PDE6C: variants seen among roughly 807,000 people sequenced by gnomAD.
PDE6C encodes phosphodiesterase 6C, also known as cone cGMP-specific 3',5'-cyclic phosphodiesterase subunit alpha'.
In PDE6C, 75 loss-of-function variants were observed where a neutral mutation model predicts 113.1. That is an observed-to-expected ratio of 0.66 (90% CI 0.55 to 0.80). PDE6C has a LOEUF of 0.80. PDE6C is among the 30% of genes least tolerant of loss of function. PDE6C has a pLI of 0.00. For synonymous variants in PDE6C, 375 were observed against 363.7 expected, an observed-to-expected ratio of 1.03 and a Z score of -0.35; for missense variants, 912 against 1,038.6, an observed-to-expected ratio of 0.88 and a Z score of 1.67.
At chr10:93,626,961 C>A (rs527836283) in intron 7 of PDE6C, 90 bp downstream of exon 7, 2 of 1,206,156 alleles carry the variant, frequency 1.7e-6, no homozygotes, top group African/African-American at 1.5e-5. Flanking sequence ...AGCAAGAATG[C>A]ATCCAATAAA....
In PDE6C at chr10:93,665,638, A is replaced by AATT; in HGVS notation, c.*221_*223dup. On this transcript the variant is annotated 3_prime_UTR_variant, in exon 22 of 22. Transcript: ENST00000371447. ...CAAAAATAGGTACATTTTTGGTGCCAATTTATTTTAAATTAAAAAATATGC... is the reference window on the plus strand; with the variant it reads ...CAAAAATAGGTACATTTTTGGTGCCAATTATTTATTTTAAATTAAAAAATATGC... 1 of 541,858 alleles carries AATT rather than the reference A, an allele frequency of 1.8e-6. No individual in the cohort carries two copies. The highest frequency in any genetic ancestry group is 3.2e-5 in the East Asian group (1 of 31,262). The allele number at this position is 541,858 out of a possible 1,614,324, so 33.6% of individuals were successfully genotyped here. A position where few individuals can be genotyped will look rare whatever the true frequency, so the allele number is the denominator to read the frequency against.
chr10:93,665,486 G>T lies in PDE6C; in HGVS notation c.*68G>T. On this transcript the variant is annotated 3_prime_UTR_variant, in exon 22 of 22. Coordinates refer to ENST00000371447, the MANE Select transcript of PDE6C (RefSeq NM_006204.4). The stretch of plus-strand genomic sequence containing the variant: ...GAAGAAAACCAGAAAACATTCAAAA[G>T]AACTTCAACAAATCATCACGTAACA... The T allele has an allele frequency of 9.6e-7, 1 of 1,041,476 alleles. No individual in the cohort carries two copies. The allele number at this position is 1,041,476 out of a possible 1,614,324, so 64.5% of individuals were successfully genotyped here.
At chr10:93,617,837 G>A (rs1022652251) in intron 1 of PDE6C, among the ~76,000 whole-genome samples, 5 of 152,148 alleles carry the variant, frequency 3.3e-5, no homozygotes, top group East Asian at 1.9e-4. Flanking sequence ...CTGGTATTTC[G>A]ATGATTCCTT....
intron 8 of PDE6C, among the ~76,000 whole-genome samples, chr10:93,631,710 C>T (rs764819921): frequency 1.3e-5 from 2 of 152,230 alleles, no homozygotes; most frequent in Admixed American, 6.5e-5. Context: ...CTGATTCTGT[C>T]TCTCCCTGCT....
At position 93,613,189 on chromosome 10, in the gene PDE6C, T is replaced by A. The variant is rs775924148; in HGVS notation, c.464T>A (p.Val155Asp). The A allele has an allele frequency of 6.2e-7, 1 of 1,613,680 alleles. No individual in the cohort carries two copies. Among genetic ancestry groups the A allele is most frequent in the South Asian group, 1.1e-5 (1 of 91,078 alleles). The change falls in exon 1 of 22, where the codon GTC becomes GAC. Residue 155 changes from valine to aspartate, a missense_variant. Val to Asp is a radical substitution (Grantham distance 152). Transcript: ENST00000371447. ...WAAHTKKTHN[V>D]PDVKKNSHFS... is the part of the protein sequence containing the mutation. ...GCTCACACGAAGAAAACTCATAATG[T>A]CCCAGATGTGAAAAAGGTAGGTGGC...
At chr10:93,636,180 A>G (rs553809058) in intron 10 of PDE6C, among the ~76,000 whole-genome samples, 40 of 152,230 alleles carry the variant, frequency 2.6e-4, no homozygotes, top group Non-Finnish European at 5.0e-4. Context: ...CTGTGCAGGC[A>G]TACTTCAGGT....
intron 14 of PDE6C, among the ~76,000 whole-genome samples, chr10:93,645,627 A>G (rs1352867834): frequency 6.6e-6 from 1 of 152,312 alleles, no homozygotes; most frequent in South Asian, 2.1e-4. Flanking sequence ...CAGATAACCT[A>G]TGGGCCTCCA....
intron 15 of PDE6C, among the ~76,000 whole-genome samples, chr10:93,654,770 C>CTTTCTT (rs1464176627): frequency 2.1e-4 from 10 of 46,948 alleles, no homozygotes. Context: ...TTCTTTCTTT[C>CTTTCTT]TTTCTTTCTT....
At chr10:93,620,502 G>A in intron 1 of PDE6C, 130 bp from the exon 2 acceptor site, 2 of 889,284 alleles carry the variant, frequency 2.2e-6, no homozygotes, top group Non-Finnish European at 3.7e-6. Context: ...GTTTACTGGG[G>A]ACCACTGTAC....
At chr10:93,615,153 A>G (rs945217140) in intron 1 of PDE6C, among the ~76,000 whole-genome samples, 2 of 152,134 alleles carry the variant, frequency 1.3e-5, no homozygotes, top group Non-Finnish European at 2.9e-5. Context: ...TAAGCCAGGC[A>G]TGGTGGTGTG....
chr10:93,621,905 T>C, intron 3 of PDE6C, 27 bp from the exon 4 acceptor site: 1 of 1,606,672 alleles, frequency 6.2e-7, no homozygotes, highest in Non-Finnish European at 8.5e-7. Flanking sequence ...TTATTCTAAC[T>C]GTTTTCTTTT....
intron 5 of PDE6C, among the ~76,000 whole-genome samples, chr10:93,625,934 T>C (rs923490378): frequency 2.6e-5 from 4 of 152,168 alleles, no homozygotes; most frequent in Non-Finnish European, 5.9e-5. Flanking sequence ...TGCACAACAT[T>C]TTAAAGAAGT....
At position 93,637,073 on chromosome 10, in the gene PDE6C, T is replaced by C; in HGVS notation, c.1482+10T>C. 1 of 1,505,664 alleles carries C rather than the reference T, an allele frequency of 6.6e-7. No individual in the cohort carries two copies. Among genetic ancestry groups the C allele is most frequent in the Non-Finnish European group, 9.2e-7 (1 of 1,081,802 alleles). The allele number at this position is 1,505,664 out of a possible 1,614,324, so 93.3% of individuals were successfully genotyped here. A position where few individuals can be genotyped will look rare whatever the true frequency, so the allele number is the denominator to read the frequency against. On this transcript the variant is annotated intron_variant, in intron 11 of 21. Coordinates refer to ENST00000371447, the MANE Select transcript of PDE6C (RefSeq NM_006204.4). ...ACTTGTTGCAATTTTGGTAAGTGTT[T>C]TCTTTCTAACCTTAATGCCTGTTAA...
At position 93,634,893 on chromosome 10, in the gene PDE6C, G is replaced by T; in HGVS notation, c.1255G>T (p.Glu419Ter). The change falls in exon 9 of 22, where the codon GAA (glutamate) becomes TAA (stop). Residue 419 changes from glutamate to a stop codon, truncating the protein, a stop_gained. Transcript: ENST00000371447. LOFTEE classifies it high-confidence loss of function. ...KDGKPFDEHD[E>*]YITETLTQFL... ...TGGAAAACCTTTCGATGAGCATGAT[G>T]AATACATTACCGAGGCAAGTGCAAT... The T allele has an allele frequency of 6.2e-7, 1 of 1,613,988 alleles. No homozygotes were observed. Among genetic ancestry groups the T allele is most frequent in the Non-Finnish European group, 8.5e-7 (1 of 1,179,972 alleles).
At chr10:93,616,652 CTT>C (rs11418985) in intron 1 of PDE6C, among the ~76,000 whole-genome samples, 3 of 118,472 alleles carry the variant, frequency 2.5e-5, no homozygotes, top group Admixed American at 9.1e-5. Flanking sequence ...GGCAGGAAGA[CTT>C]TTTTTTTTTT....
rs1391356141 is a variant in PDE6C, at chr10:93,661,938, C to T, written c.2209-121C>T. ...CCTCTTTTTAAAAGTTAAGAGCATA[C>T]GGTTTGATAGCACCTCAAACATTGA... On this transcript the variant is annotated intron_variant, in intron 18 of 21. Transcript: ENST00000371447. 2.0e-5 allele frequency: 15 copies of T among 743,342 alleles called. 1 individual carries two copies. The highest frequency in any genetic ancestry group is 2.3e-4 in the Middle Eastern group (1 of 4,382). 46.0% of individuals were successfully genotyped at this position (743,342 alleles called of 1,614,324 possible). A position where few individuals can be genotyped will look rare whatever the true frequency, so the allele number is the denominator to read the frequency against.
intron 15 of PDE6C, among the ~76,000 whole-genome samples, chr10:93,647,662 C>T (rs949289047): frequency 6.6e-6 from 1 of 152,042 alleles, no homozygotes; most frequent in African/African-American, 2.4e-5. Flanking sequence ...TTTAACAGGG[C>T]GGGGGCAGAC....
chr10:93,618,671 C>A (rs917076804), intron 1 of PDE6C, among the ~76,000 whole-genome samples: 18 of 152,328 alleles, frequency 1.2e-4, no homozygotes, highest in African/African-American at 4.3e-4. Flanking sequence ...CTAAGAATTA[C>A]CTGGGCCACG....
chr10:93,663,078 GAAT>G lies in PDE6C; in HGVS notation c.2421_2423del (p.Asn808del), dbSNP rs2133879659. On this transcript the variant is annotated inframe_deletion, in exon 21 of 22. Coordinates refer to ENST00000371447, the MANE Select transcript of PDE6C (RefSeq NM_006204.4). ...TCACACCTATGCTGAGTGGTCTTCA[GAAT>G]AACAGAGTAGAATGGAAATCACTAG... The G allele has an allele frequency of 1.2e-6, 2 of 1,613,242 alleles. No individual in the cohort carries two copies. Among genetic ancestry groups the G allele is most frequent in the East Asian group, 4.5e-5 (2 of 44,808 alleles).
Sources: gnomAD v4.1 joint callset for allele counts (sites outside exome capture counted in the v4.1 genomes callset) on GRCh38, gnomAD v4.1.1 for gene constraint, MANE v1.5 for transcripts, NCBI Gene and HGNC (gene_info 2026-07-23, HGNC 2026-07-21) for gene names.